Variants in DSTYK observed in about 807,000 individuals in gnomAD.
DSTYK encodes dual serine/threonine and tyrosine protein kinase.
Under a neutral mutation model 98.7 loss-of-function variants are expected in DSTYK, and 34 were observed. The ratio of observed to expected loss-of-function variants is 0.34; its 90% confidence interval spans 0.26 to 0.46. The LOEUF (loss-of-function observed/expected upper bound fraction) is 0.46, where lower values mean the gene tolerates loss of function less well. Among genes scored for constraint, DSTYK ranks in the 20% least tolerant of loss-of-function variants. The pLI, the probability that DSTYK is intolerant of heterozygous loss-of-function variation, is 1.00. For synonymous variants in DSTYK, 462 were observed against 457.3 expected, an observed-to-expected ratio of 1.01 and a Z score of -0.13; for missense variants, 962 against 1,181.7, an observed-to-expected ratio of 0.81 and a Z score of 2.73.
chr1:205,148,855 T>C (rs1657321021), intron 11 of DSTYK, among the ~76,000 whole-genome samples: 1 of 151,636 alleles, frequency 6.6e-6, no homozygotes, highest in Non-Finnish European at 1.5e-5. Context: ...AAAAGAAATT[T>C]AAGTATGAAG....
chr1:205,207,569 G>A (rs1199747656), intron 1 of DSTYK, among the ~76,000 whole-genome samples: 5 of 150,184 alleles, frequency 3.3e-5, no homozygotes, highest in Non-Finnish European at 7.4e-5. Flanking sequence ...TGGCCAACAC[G>A]GTAAAACCCT....
rs534996262 is a variant in DSTYK, at chr1:205,159,699, T to A, written c.2106-20A>T. The A allele has an allele frequency of 3.7e-6, 6 of 1,612,410 alleles. No homozygotes were observed. The East Asian group carries it at 1.3e-4, about 36-fold the overall frequency. On this transcript the variant is annotated intron_variant, in intron 8 of 12. Transcript: ENST00000367162. ...AGAGACCTGGAGGGAAGGAGAGAGA[T>A]CTGGGCTACAAGGCTTGGGCTCTAA...
At chr1:205,180,138 C>G (rs1407659137) in intron 2 of DSTYK, among the ~76,000 whole-genome samples, 1 of 152,128 alleles carries the variant, frequency 6.6e-6, no homozygotes, top group Non-Finnish European at 1.5e-5. Flanking sequence ...ACTTTAAGTT[C>G]TGGGATACAT....
At chr1:205,166,092 T>C (rs1048982748) in intron 3 of DSTYK, among the ~76,000 whole-genome samples, 1 of 151,800 alleles carries the variant, frequency 6.6e-6, no homozygotes, top group Admixed American at 6.6e-5. Context: ...GAGAGAATAG[T>C]TCAATAAATT....
At chr1:205,182,543 C>T (rs866985708) in intron 2 of DSTYK, among the ~76,000 whole-genome samples, 1 of 143,640 alleles carries the variant, frequency 7.0e-6, no homozygotes, top group Non-Finnish European at 1.5e-5. Flanking sequence ...CTGTGGCTCA[C>T]GCCTGTAATC....
rs1657231503 is a variant in DSTYK, at chr1:205,146,318, T to C, written c.*1240A>G. The C allele has an allele frequency of 6.6e-6, 1 of 152,112 alleles. No individual in the cohort carries two copies. The highest frequency in any genetic ancestry group is 1.5e-5 in the Non-Finnish European group (1 of 68,032). 9.4% of individuals were successfully genotyped at this position (152,112 alleles called of 1,614,324 possible). A position where few individuals can be genotyped will look rare whatever the true frequency, so the allele number is the denominator to read the frequency against. The stretch of plus-strand genomic sequence containing the variant: ...CTCCAATCATCTCCCACCTCTCAGT[T>C]CTCACCCAAATACTTCGCATTGGGT... On this transcript the variant is annotated 3_prime_UTR_variant, in exon 13 of 13. Coordinates refer to ENST00000367162, the MANE Select transcript of DSTYK (RefSeq NM_015375.3).
chr1:205,210,351 A>G (rs553897829), intron 1 of DSTYK, among the ~76,000 whole-genome samples: 1 of 152,288 alleles, frequency 6.6e-6, no homozygotes. Context: ...GAGAATCACT[A>G]AATTAAACCC....
intron 1 of DSTYK, among the ~76,000 whole-genome samples, chr1:205,204,271 T>TCCCC (rs2102482028): frequency 6.6e-6 from 1 of 152,284 alleles, no homozygotes; most frequent in East Asian, 1.9e-4. Context: ...GTATTTTGTA[T>TCCCC]TCCCATGGTC....
rs1007174116 is a variant in DSTYK, at chr1:205,169,905, C to T, written c.655-73G>A. 6.4e-6 allele frequency: 9 copies of T among 1,410,778 alleles called. No individual in the cohort carries two copies. The highest frequency in any genetic ancestry group is 1.4e-5 in the African/African-American group (1 of 70,012). The allele number at this position is 1,410,778 out of a possible 1,614,324, so 87.4% of individuals were successfully genotyped here. A position where few individuals can be genotyped will look rare whatever the true frequency, so the allele number is the denominator to read the frequency against. ...ATCCCTGTCTCCCCAAAGTCCCACACTGAGACCAAAATCCTGATCTACAAT... is the reference window on the plus strand; with the variant it reads ...ATCCCTGTCTCCCCAAAGTCCCACATTGAGACCAAAATCCTGATCTACAAT... On this transcript the variant is annotated intron_variant, in intron 2 of 12. Transcript: ENST00000367162. This position sits in a 1 kb window ranked among gnomAD's most constrained non-coding sequence, Gnocchi z 4.0.
At position 205,211,299 on chromosome 1, in the gene DSTYK, G is replaced by A. The variant is rs756745709; in HGVS notation, c.237C>T (p.Gly79=). Residue 79 remains glycine (G), a synonymous_variant, in exon 1 of 13, where the codon GGC becomes GGT. Coordinates refer to ENST00000367162, the MANE Select transcript of DSTYK (RefSeq NM_015375.3). Reference sequence around the variant, plus strand: ...CCTGCAGCCCGGTTTCGGCGACATCGCCTGCAGGGCCGCGCTCGGCCCCGC... The same window carrying A: ...CCTGCAGCCCGGTTTCGGCGACATCACCTGCAGGGCCGCGCTCGGCCCCGC... The part of the protein sequence containing the change: ...GGGGAERGPA[G]DVAETGLQAG... 8 of 1,607,108 alleles carry A rather than the reference G, an allele frequency of 5.0e-6. No homozygotes were observed. Among genetic ancestry groups the A allele is most frequent in the Non-Finnish European group, 6.8e-6 (8 of 1,177,552 alleles).
intron 5 of DSTYK, among the ~76,000 whole-genome samples, chr1:205,162,656 A>G (rs1293253334): frequency 6.6e-6 from 1 of 152,208 alleles, no homozygotes; most frequent in Non-Finnish European, 1.5e-5. Context: ...AATATCATTT[A>G]TCTTTTTTTT....
intron 2 of DSTYK, among the ~76,000 whole-genome samples, chr1:205,172,475 CTTTTTTGGGTTTTTT>C (rs1272930515): frequency 6.7e-6 from 1 of 148,462 alleles, no homozygotes; most frequent in African/African-American, 2.5e-5. Context: ...AATTTTCATT[CTTTTTTGGGTTTTTT>C]TTTTTTGGTA....
chr1:205,151,688 GCTTT>G (rs149617700), intron 10 of DSTYK, among the ~76,000 whole-genome samples: 43,587 of 139,654 alleles, frequency 0.31, 7,782 homozygotes, highest in Non-Finnish European at 0.44. Context: ...CTGGTTATAG[GCTTT>G]CTTTTTTTTT....
intron 3 of DSTYK, among the ~76,000 whole-genome samples, chr1:205,164,714 G>T (rs1558606487): frequency 1.3e-5 from 2 of 152,128 alleles, no homozygotes; most frequent in African/African-American, 4.8e-5. Context: ...GCCCACCTCG[G>T]CCTCCCAAAG....
At chr1:205,211,189 G>A in intron 1 of DSTYK, 82 bp downstream of exon 1, 1 of 1,487,406 alleles carries the variant, frequency 6.7e-7, no homozygotes, top group Non-Finnish European at 8.9e-7. Context: ...AGAAGACTCG[G>A]GCTTGTTTTG....
intron 1 of DSTYK, among the ~76,000 whole-genome samples, chr1:205,203,304 G>C (rs1659095797): frequency 6.7e-6 from 1 of 148,604 alleles, no homozygotes; most frequent in African/African-American, 2.5e-5. Flanking sequence ...CCAAAACGGT[G>C]AAACCCCGTC....
In DSTYK at chr1:205,147,389, C is replaced by T; in HGVS notation, c.*169G>A. 1.7e-6 allele frequency: 1 copy of T among 581,116 alleles called. No individual in the cohort carries two copies. Among genetic ancestry groups the T allele is most frequent in the Non-Finnish European group, 2.9e-6 (1 of 349,896 alleles). The allele number at this position is 581,116 out of a possible 1,614,324, so 36.0% of individuals were successfully genotyped here. A position where few individuals can be genotyped will look rare whatever the true frequency, so the allele number is the denominator to read the frequency against. ...CTGCTGAATATGCTCAGTCATTCAA[C>T]TCTTCACTGTCCAGGAGTCATCCCT... On this transcript the variant is annotated 3_prime_UTR_variant, in exon 13 of 13. Coordinates refer to ENST00000367162, the MANE Select transcript of DSTYK (RefSeq NM_015375.3).
intron 2 of DSTYK, among the ~76,000 whole-genome samples, chr1:205,172,792 A>G (rs1054119391): frequency 4.6e-5 from 7 of 152,126 alleles, no homozygotes; most frequent in Non-Finnish European, 8.8e-5. Flanking sequence ...TTTAGCAAAC[A>G]CTACATAAGT....
At chr1:205,187,312 C>G (rs1176807916) in intron 2 of DSTYK, 106 bp downstream of exon 2, 3 of 1,315,682 alleles carry the variant, frequency 2.3e-6, no homozygotes, top group Non-Finnish European at 2.0e-6. Context: ...GCCACTGCTG[C>G]TCAGAGTTCA....
Sources: allele counts gnomAD v4.1 joint callset (sites outside exome capture counted in the v4.1 genomes callset), GRCh38; gene constraint gnomAD v4.1.1; non-coding constraint Gnocchi (gnomAD v3.1); transcripts MANE v1.5; gene names NCBI Gene and HGNC (gene_info 2026-07-23, HGNC 2026-07-21).